Variants in SLC38A6 observed in about 807,000 individuals in gnomAD.
SLC38A6 encodes solute carrier family 38 member 6, also known as N system amino acid transporter NAT-1.
A neutral mutation model predicts 65.0 loss-of-function variants in SLC38A6; 73 were observed. The ratio of observed to expected loss-of-function variants is 1.12; its 90% CI spans 0.93 to 1.37. SLC38A6 has a LOEUF of 1.37. Among genes scored for constraint, SLC38A6 ranks in the 40% most tolerant of loss-of-function variants. The probability of loss-of-function intolerance (pLI) is 0.00; values close to 1 mark genes in which losing one functional copy is unlikely to be tolerated. For missense variants in SLC38A6, 561 were observed against 531.1 expected, an observed-to-expected ratio of 1.06 and a Z score of -0.55; for synonymous variants, 183 against 178.8, an observed-to-expected ratio of 1.02 and a Z score of -0.19.
intron 15 of SLC38A6, among the ~76,000 whole-genome samples, chr14:61,060,844 G>C (rs1230109507): frequency 2.5e-5 from 3 of 118,608 alleles, no homozygotes; most frequent in African/African-American, 1.0e-4. Context: ...TCTTAAGCCG[G>C]TCTGAAAAGC....
chr14:60,996,212 C>A (rs943465831), intron 3 of SLC38A6, among the ~76,000 whole-genome samples: 1 of 151,934 alleles, frequency 6.6e-6, no homozygotes, highest in Non-Finnish European at 1.5e-5. Flanking sequence ...AAAGAAAACA[C>A]AAGGAAAGAA....
At chr14:61,071,708 A>G (rs1354627188) in intron 15 of SLC38A6, among the ~76,000 whole-genome samples, 1 of 151,670 alleles carries the variant, frequency 6.6e-6, no homozygotes, top group Non-Finnish European at 1.5e-5. Flanking sequence ...AAAAAAGAAG[A>G]TATACTGATT....
At chr14:61,004,896 T>G (rs1213318424) in intron 3 of SLC38A6, among the ~76,000 whole-genome samples, 1 of 152,108 alleles carries the variant, frequency 6.6e-6, no homozygotes, top group African/African-American at 2.4e-5. Context: ...AAAGAGAATT[T>G]TAGACCAATA....
chr14:61,037,029 A>G lies in SLC38A6; in HGVS notation c.483-30A>G, dbSNP rs1489361645. 6.3e-6 allele frequency: 9 copies of G among 1,417,930 alleles called. No homozygotes were observed. In the South Asian group the frequency reaches 1.0e-4, roughly 16 times the overall value. The allele number at this position is 1,417,930 out of a possible 1,614,324, so 87.8% of individuals were successfully genotyped here. A position where few individuals can be genotyped will look rare whatever the true frequency, so the allele number is the denominator to read the frequency against. On this transcript the variant is annotated intron_variant, in intron 6 of 15. Transcript: ENST00000267488. Reference sequence around the variant, plus strand: ...GTGTCAGAACAAACACTGGAGTCCCATGCCTAAAGTAGAACTTTTTTTATA... The same window carrying G: ...GTGTCAGAACAAACACTGGAGTCCCGTGCCTAAAGTAGAACTTTTTTTATA...
chr14:61,051,868 A>G lies in SLC38A6; in HGVS notation c.1132A>G (p.Asn378Asp), dbSNP rs758210734. 13 of 1,611,616 alleles carry G rather than the reference A, an allele frequency of 8.1e-6. No homozygotes were observed. The East Asian group carries it at 2.7e-4, about 33-fold the overall frequency. The change falls in exon 14 of 16, where the codon AAT becomes GAT. Residue 378 changes from asparagine to aspartate, a missense_variant. Transcript: ENST00000267488. ...CCATTTTTTGATCACTCTAGCACTCAATATTATCATCGTTTTACTTGCAAT... is the reference window on the plus strand; with the variant it reads ...CCATTTTTTGATCACTCTAGCACTCGATATTATCATCGTTTTACTTGCAAT... ...IRHFLITLAL[N>D]IIIVLLAIYV...
rs1038165574 is a variant in SLC38A6, at chr14:61,049,040, T to C, written c.926-1472T>C. ...GTTTTTGATACTTTGGACAATTCAT[T>C]TCTCTCCTGTTTCCATTATCACTAG... On this transcript the variant is annotated intron_variant, in intron 12 of 15. Transcript: ENST00000267488. 9.2e-5 allele frequency among the ~76,000 whole-genome samples: 14 copies of C among 152,156 alleles called. No homozygotes were observed. The South Asian group carries it at 1.7e-3, about 18-fold the overall frequency.
rs751607350 is a variant in SLC38A6, at chr14:61,050,543, T to C, written c.957T>C (p.Tyr319=). 6.4e-7 allele frequency: 1 copy of C among 1,572,660 alleles called. No homozygotes were observed. Among genetic ancestry groups the C allele is most frequent in the South Asian group, 1.2e-5 (1 of 86,342 alleles). ...DKVESELLKG[Y]SKYLSHDVVV... ...TGGAGTCAGAATTACTAAAAGGTTA[T>C]AGTAAATACTTATCACATGATGTTG... is the stretch of plus-strand genomic sequence containing the variant. The change falls in exon 13 of 16, where the codon TAT becomes TAC. Residue 319 remains tyrosine, a synonymous_variant. Transcript: ENST00000267488.
chr14:61,054,863 C>G (rs2042652388), downstream of SLC38A6, among the ~76,000 whole-genome samples: 1 of 152,082 alleles, frequency 6.6e-6, no homozygotes, highest in South Asian at 2.1e-4. Context: ...CTTTCTCTTG[C>G]CTGACTGCTC....
At chr14:61,075,779 GTGTGTGTGT>G (rs1566736712) in intron 15 of SLC38A6, among the ~76,000 whole-genome samples, 2 of 2,230 alleles carry the variant, frequency 9.0e-4, no homozygotes, top group African/African-American at 1.8e-3. Context: ...CAACCTGTTT[GTGTGTGTGT>G]GTGTGTGTGT....
rs767064144 is a variant in SLC38A6 at position 61,052,128 on chromosome 14, A to G, written c.1283A>G (p.Lys428Arg). Residue 428 changes from lysine (K) to arginine (R), a missense_variant, in exon 15 of 16, where the codon AAG (lysine) becomes AGG (arginine). Physicochemically the swap from Lys to Arg is conservative, Grantham distance 26 (BLOSUM62 2). Transcript: ENST00000267488. ...AGAGAGGATTTTCTGTCATGGAAAA[A>G]GCTTGGGGTAGGTTGTTTTTGTTTC... Reference protein sequence around the residue: ...LSREDFLSWKKLGAFVLLIFG... With the variant: ...LSREDFLSWKRLGAFVLLIFG... 2 of 1,557,720 alleles carry G rather than the reference A, an allele frequency of 1.3e-6. No homozygotes were observed. Among genetic ancestry groups the G allele is most frequent in the East Asian group, 2.3e-5 (1 of 43,110 alleles).
At chr14:61,075,428 T>C (rs1429760269) in intron 15 of SLC38A6, among the ~76,000 whole-genome samples, 1 of 152,042 alleles carries the variant, frequency 6.6e-6, no homozygotes, top group Non-Finnish European at 1.5e-5. Flanking sequence ...CCTCCCAGAG[T>C]CCGTGGGCAC....
In SLC38A6 at chr14:61,037,684, G is replaced by T. The variant is rs765507661; in HGVS notation, c.624+1G>T. On this transcript the variant is annotated splice_donor_variant, in intron 8 of 15. Transcript: ENST00000267488. LOFTEE classifies it high-confidence loss of function. Reference sequence around the variant, plus strand: ...CTTTATGATGTTCTTTGCTCTTGTGGTAAGTTTAAAATATAATACATTGCT... The same window carrying T: ...CTTTATGATGTTCTTTGCTCTTGTGTTAAGTTTAAAATATAATACATTGCT... 1.7e-5 allele frequency: 27 copies of T among 1,575,512 alleles called. No individual in the cohort carries two copies. The highest frequency in any genetic ancestry group is 2.3e-5 in the South Asian group (2 of 87,490).
At chr14:61,082,870 G>C (rs1419129717) in intron 16 of SLC38A6, among the ~76,000 whole-genome samples, 10 of 152,162 alleles carry the variant, frequency 6.6e-5, no homozygotes, top group Admixed American at 3.3e-4. Context: ...TAGCCTTAGG[G>C]AAGTCATCTC....
intron 3 of SLC38A6, among the ~76,000 whole-genome samples, chr14:61,008,876 GT>G (rs2039344132): frequency 6.6e-6 from 1 of 152,136 alleles, no homozygotes; most frequent in Non-Finnish European, 1.5e-5. Flanking sequence ...TACATATCCA[GT>G]TTTCAGAAAC....
At chr14:60,998,470 T>G (rs1455903208) in intron 3 of SLC38A6, among the ~76,000 whole-genome samples, 1 of 151,938 alleles carries the variant, frequency 6.6e-6, no homozygotes, top group Non-Finnish European at 1.5e-5. Flanking sequence ...CAGGGGAAGA[T>G]CATCTTCCCA....
chr14:61,024,848 C>A (rs2139616555), intron 5 of SLC38A6, among the ~76,000 whole-genome samples: 1 of 152,220 alleles, frequency 6.6e-6, no homozygotes, highest in South Asian at 2.1e-4. Flanking sequence ...TCACAACTTG[C>A]CCAATTCAAA....
intron 3 of SLC38A6, among the ~76,000 whole-genome samples, chr14:60,991,098 C>T (rs1299036712): frequency 1.3e-5 from 2 of 152,208 alleles, no homozygotes; most frequent in Admixed American, 6.5e-5. Context: ...ACTCTTACTT[C>T]CTGCAGTCTA....
intron 15 of SLC38A6, among the ~76,000 whole-genome samples, chr14:61,061,998 T>C (rs540229765): frequency 2.2e-4 from 34 of 152,186 alleles, no homozygotes; most frequent in African/African-American, 8.2e-4. Flanking sequence ...CCACTACGCC[T>C]GGCTAATTTT....
chr14:61,049,196 T>G (rs1396682165), intron 12 of SLC38A6, among the ~76,000 whole-genome samples: 1 of 152,136 alleles, frequency 6.6e-6, no homozygotes, highest in Non-Finnish European at 1.5e-5. Context: ...TGTAAGTCAT[T>G]ATTGCATTTC....
Sources: allele counts gnomAD v4.1 joint callset (sites outside exome capture counted in the v4.1 genomes callset), GRCh38; gene constraint gnomAD v4.1.1; transcripts MANE v1.5; gene names NCBI Gene and HGNC (gene_info 2026-07-23, HGNC 2026-07-21).